Variants in WNT5A observed in about 807,000 individuals in gnomAD.
WNT5A encodes protein Wnt-5a.
A neutral mutation model predicts 42.1 loss-of-function variants in WNT5A; 9 were observed. The ratio of observed to expected loss-of-function variants is 0.21; its 90% confidence interval spans 0.13 to 0.37. The LOEUF (loss-of-function observed/expected upper bound fraction) is 0.37, where lower values mean the gene tolerates loss of function less well. Among genes scored for constraint, WNT5A ranks in the 10% least tolerant of loss-of-function variants. The pLI is 1.00. For synonymous variants in WNT5A, 210 were observed against 210.0 expected, an observed-to-expected ratio of 1.00 and a Z score of 0.00; for missense variants, 426 against 534.0, an observed-to-expected ratio of 0.80 and a Z score of 1.99.
chr3:55,492,518 A>T (rs2051671045), upstream of WNT5A, among the ~76,000 whole-genome samples: 1 of 152,224 alleles, frequency 6.6e-6, no homozygotes. Flanking sequence ...TGCACTGTAA[A>T]TGTCTGTTCC....
At chr3:55,505,253 G>A in the WNT5A span, 1 of 152,230 alleles carries the variant, frequency 6.6e-6, no homozygotes, top group East Asian at 1.9e-4. Flanking sequence ...GGTGGCAGCA[G>A]GGAGAAGTGC....
intron 1 of WNT5A, among the ~76,000 whole-genome samples, chr3:55,481,695 G>GGA (rs1393845953): frequency 1.3e-5 from 2 of 152,116 alleles, no homozygotes; most frequent in Non-Finnish European, 2.9e-5. Context: ...AGGGGATAAT[G>GGA]GAGAGAGAGG....
chr3:55,473,353 C>T lies in WNT5A; in HGVS notation c.684+984G>A, dbSNP rs375892319. Among the ~76,000 whole-genome samples the T allele has an allele frequency of 4.6e-5, 7 of 152,266 alleles. No individual in the cohort carries two copies. In the South Asian group the frequency reaches 1.2e-3, roughly 27 times the overall value. ...TGACCAGAAAGTTCCTGGCACCTAC[C>T]TTGGGTTCTGTGAAAAAATAATGGC... On this transcript the variant is annotated intron_variant, in intron 4 of 4. Coordinates refer to ENST00000264634, the MANE Select transcript of WNT5A (RefSeq NM_003392.7).
chr3:55,493,355 G>A (rs1289459782), upstream of WNT5A, among the ~76,000 whole-genome samples: 7 of 152,218 alleles, frequency 4.6e-5, no homozygotes, highest in East Asian at 1.9e-4. Context: ...TGCCTGCAAC[G>A]CTGTCCCTTC....
chr3:55,482,317 G>A (rs2051482924), intron 1 of WNT5A, among the ~76,000 whole-genome samples: 2 of 152,196 alleles, frequency 1.3e-5, no homozygotes, highest in African/African-American at 4.8e-5. Flanking sequence ...AGGCGGCGGC[G>A]GAGCGAGTAG....
Position 55,480,843 on chromosome 3 carries a change from C to G in WNT5A, c.82G>C (p.Val28Leu). 6.3e-7 allele frequency: 1 copy of G among 1,585,692 alleles called. No individual in the cohort carries two copies. The highest frequency in any genetic ancestry group is 8.6e-7 in the Non-Finnish European group (1 of 1,164,612). The change falls in exon 2 of 5, where the codon GTG becomes CTG. Residue 28 changes from valine to leucine, a missense_variant. Physicochemically the swap from Val to Leu is conservative, Grantham distance 32. Coordinates refer to ENST00000264634, the MANE Select transcript of WNT5A (RefSeq NM_003392.7). ...AAGGAGAAAAATATGGCCAAAGCCA[C>G]TAGGAAGAACTTGGAAGACATTGCA... ...GSAMSSKFFL[V>L]ALAIFFSFAQ...
chr3:55,477,297 TTTCTC>T (rs772863568), intron 3 of WNT5A, among the ~76,000 whole-genome samples: 4 of 152,218 alleles, frequency 2.6e-5, no homozygotes, highest in Non-Finnish European at 5.9e-5. Flanking sequence ...AATCTATTGT[TTTCTC>T]TTCTCTCCTG....
rs1001573432 is a variant in WNT5A at position 55,465,827 on chromosome 3, G to A, written c.*4265C>T. The A allele has an allele frequency of 1.3e-5, 2 of 152,088 alleles. No homozygotes were observed. The highest frequency in any genetic ancestry group is 2.9e-5 in the Non-Finnish European group (2 of 68,004). The allele number at this position is 152,088 out of a possible 1,614,324, so 9.4% of individuals were successfully genotyped here. The stretch of plus-strand genomic sequence containing the variant: ...TACACTGCATATAAAAATGGTCTAA[G>A]ATGCAATTTTCCTCCATTCCTTTTT... On this transcript the variant is annotated 3_prime_UTR_variant, in exon 5 of 5. Transcript: ENST00000264634.
At chr3:55,496,616 C>G in the WNT5A span, among the ~76,000 whole-genome samples, 3 of 152,182 alleles carry the variant, frequency 2.0e-5, no homozygotes, top group Non-Finnish European at 2.9e-5. Context: ...GGAGCATGAT[C>G]CTCCCCCTGT....
At chr3:55,477,738 CA>C (rs2051383901) in intron 3 of WNT5A, among the ~76,000 whole-genome samples, 1 of 152,110 alleles carries the variant, frequency 6.6e-6, no homozygotes, top group African/African-American at 2.4e-5. Flanking sequence ...CATTTTGGCC[CA>C]AAACAGGCTA....
At chr3:55,504,859 T>A in the WNT5A span, among the ~76,000 whole-genome samples, 1 of 152,340 alleles carries the variant, frequency 6.6e-6, no homozygotes, top group African/African-American at 2.4e-5. Flanking sequence ...CTGAACATGA[T>A]CATGTAATAA....
At position 55,468,823 on chromosome 3, in the gene WNT5A, T is replaced by C. The variant is rs2106879715; in HGVS notation, c.*1269A>G. The C allele has an allele frequency of 6.5e-6, 1 of 152,680 alleles. No homozygotes were observed. Among genetic ancestry groups the C allele is most frequent in the East Asian group, 1.9e-4 (1 of 5,186 alleles). The allele number at this position is 152,680 out of a possible 1,614,324, so 9.5% of individuals were successfully genotyped here. On this transcript the variant is annotated 3_prime_UTR_variant, in exon 5 of 5. Coordinates refer to ENST00000264634, the MANE Select transcript of WNT5A (RefSeq NM_003392.7). ...TAATCTAAACACAGGATCATAACAG[T>C]GATACGCTGCAACACCTCTGTGAAT...
In WNT5A at chr3:55,466,380, T is replaced by A. The variant is rs10865994; in HGVS notation, c.*3712A>T. The stretch of plus-strand genomic sequence containing the variant: ...GGAGTTAGCTAGTACCGGTCTCTTA[T>A]TCAGAGTATTTACTCTGCTATAGCG... On this transcript the variant is annotated 3_prime_UTR_variant, in exon 5 of 5. Transcript: ENST00000264634. 64,539 of 152,000 alleles carry A rather than the reference T, an allele frequency of 0.42. 14,413 individuals carry two copies. Among genetic ancestry groups the A allele is most frequent in the East Asian group, 0.67 (3,471 of 5,168 alleles). The allele number at this position is 152,000 out of a possible 1,614,324, so 9.4% of individuals were successfully genotyped here. A position where few individuals can be genotyped will look rare whatever the true frequency, so the allele number is the denominator to read the frequency against.
upstream of WNT5A, among the ~76,000 whole-genome samples, chr3:55,491,162 CT>C (rs956028241): frequency 6.6e-6 from 1 of 152,130 alleles, no homozygotes; most frequent in Non-Finnish European, 1.5e-5. Flanking sequence ...CTTGAAATCC[CT>C]TTTGACCCTT....
the WNT5A span, among the ~76,000 whole-genome samples, chr3:55,503,380 A>C: frequency 6.6e-6 from 1 of 152,250 alleles, no homozygotes; most frequent in Admixed American, 6.5e-5. Context: ...TAAAAAACAA[A>C]AACCCAAACC....
chr3:55,495,370 C>G (rs558789294), upstream of WNT5A, among the ~76,000 whole-genome samples: 1 of 152,212 alleles, frequency 6.6e-6, no homozygotes, highest in African/African-American at 2.4e-5. Context: ...TTGGCAACCA[C>G]CATTCTACTC....
At chr3:55,477,946 G>C (rs888815338) in intron 3 of WNT5A, among the ~76,000 whole-genome samples, 2 of 152,142 alleles carry the variant, frequency 1.3e-5, no homozygotes, top group African/African-American at 2.4e-5. Flanking sequence ...AGGGGGAAAA[G>C]TTACCATCCT....
the WNT5A span, among the ~76,000 whole-genome samples, chr3:55,498,741 C>T: frequency 6.6e-6 from 1 of 152,104 alleles, no homozygotes; most frequent in African/African-American, 2.4e-5. Flanking sequence ...AGTCACGTGA[C>T]ACAGACTAGA....
chr3:55,488,116 T>C (rs2051609956), upstream of WNT5A: 2 of 152,270 alleles, frequency 1.3e-5, no homozygotes, highest in Non-Finnish European at 2.9e-5. Flanking sequence ...CCTCCTCGTT[T>C]GGCGCCCGGG....
Sources: allele counts gnomAD v4.1 joint callset (sites outside exome capture counted in the v4.1 genomes callset), GRCh38; gene constraint gnomAD v4.1.1; transcripts MANE v1.5; gene names NCBI Gene and HGNC (gene_info 2026-07-23, HGNC 2026-07-21).